LGALSL: variants seen among roughly 807,000 people sequenced by gnomAD.
LGALSL encodes galectin like, also known as galectin-related protein.
Under a neutral mutation model 19.5 loss-of-function variants are expected in LGALSL, and 13 were observed. The ratio of observed to expected loss-of-function variants is 0.67; its 90% confidence interval spans 0.43 to 1.06. The LOEUF (loss-of-function observed/expected upper bound fraction) is 1.06. LGALSL is among the 50% of genes least tolerant of loss of function. The pLI, the probability that LGALSL is intolerant of heterozygous loss-of-function variation, is 0.00. For synonymous variants in LGALSL, 86 were observed against 78.3 expected (o/e 1.10, Z -0.52); for missense variants, 189 against 219.3 (o/e 0.86, Z 0.87).
rs1321148387 is a variant in LGALSL at position 64,456,416 on chromosome 2, A to T, written c.326A>T (p.Glu109Val). Residue 109 changes from glutamate to valine, a missense_variant, in exon 4 of 5, where the codon GAA becomes GTA. Around this residue, in one of 3 missense-constraint regions of LGALSL, gnomAD observed 106 missense variants for 119.3 expected, o/e 0.89. Coordinates refer to ENST00000238875, the MANE Select transcript of LGALSL (RefSeq NM_014181.3). ...TGTATATCTGGGGAGAGGGGTGAAGAACAGTCAGCAATCCCTTACTTTCCA... is the reference window on the plus strand; with the variant it reads ...TGTATATCTGGGGAGAGGGGTGAAGTACAGTCAGCAATCCCTTACTTTCCA... The part of the protein sequence containing the change: ...NSCISGERGE[E>V]QSAIPYFPFI... 3.1e-6 allele frequency: 5 copies of T among 1,608,486 alleles called. No individual in the cohort carries two copies. In the Admixed American group the frequency reaches 8.4e-5, roughly 27 times the overall value.
chr2:64,456,324 C>T lies in LGALSL; in HGVS notation c.234C>T (p.Asp78=), dbSNP rs146738856. Residue 78 remains aspartate (D), a synonymous_variant, in exon 4 of 5, where the codon GAC becomes GAT. Coordinates refer to ENST00000238875, the MANE Select transcript of LGALSL (RefSeq NM_014181.3). ...GCTTGACCTGTGGGGACTCAGAAGA[C>T]CCTCCTGCCGATGTGGCAATCGAAC... ...AISLTCGDSE[D]PPADVAIELK... The T allele has an allele frequency of 3.1e-6, 5 of 1,611,928 alleles. No individual in the cohort carries two copies. The African/African-American group carries it at 6.7e-5, about 22-fold the overall frequency.
Position 64,456,459 on chromosome 2 carries a change from A to G in LGALSL, c.369A>G (p.Pro123=). The G allele has an allele frequency of 6.4e-7, 1 of 1,573,108 alleles. No homozygotes were observed. Among genetic ancestry groups the G allele is most frequent in the Non-Finnish European group, 8.6e-7 (1 of 1,158,946 alleles). Residue 123 remains proline, a synonymous_variant, in exon 4 of 5, where the codon CCA becomes CCG. Coordinates refer to ENST00000238875, the MANE Select transcript of LGALSL (RefSeq NM_014181.3). Reference sequence around the variant, plus strand: ...ACTTTCCATTCATTCCAGACCAGCCATTCAGGGTGAGTACCTCGAGTGCCT... The same window carrying G: ...ACTTTCCATTCATTCCAGACCAGCCGTTCAGGGTGAGTACCTCGAGTGCCT... ...IPYFPFIPDQ[P]FRVEILCEHP...
Position 64,454,673 on chromosome 2 carries a change from C to G in LGALSL, c.36+92C>G, listed in dbSNP as rs1572898503. The G allele has an allele frequency of 2.1e-6, 2 of 964,852 alleles. No homozygotes were observed. The highest frequency in any genetic ancestry group is 2.7e-6 in the Non-Finnish European group (2 of 751,620). 59.8% of individuals were successfully genotyped at this position (964,852 alleles called of 1,614,324 possible). A position where few individuals can be genotyped will look rare whatever the true frequency, so the allele number is the denominator to read the frequency against. On this transcript the variant is annotated intron_variant, in intron 1 of 4. Coordinates refer to ENST00000238875, the MANE Select transcript of LGALSL (RefSeq NM_014181.3). This position sits in a 1 kb window ranked among gnomAD's most constrained non-coding sequence, Gnocchi z 5.1. ...CAGCAGTGCTGGGGTGCTGAGCAGC[C>G]GCAGGCCCGGCCGGCGCCCGGCGCG...
At chr2:64,456,594 G>GA (rs373630666) in intron 4 of LGALSL, 129 bp downstream of exon 4, 473 of 645,494 alleles carry the variant, frequency 7.3e-4, no homozygotes, top group African/African-American at 1.4e-3. Flanking sequence ...ACCCAATGGT[G>GA]AAAAAAAAAG....
At position 64,458,368 on chromosome 2, in the gene LGALSL, G is replaced by A. The variant is rs778858238; in HGVS notation, c.459G>A (p.Thr153=). ...QLFDFYHRIQ[T]LSAIDTIKIN... ...TTGATTTTTACCATCGCATTCAAAC[G>A]TTATCTGCAATTGACACCATAAAGA... is the stretch of plus-strand genomic sequence containing the variant. Residue 153 remains threonine, a synonymous_variant, in exon 5 of 5, where the codon ACG becomes ACA. Coordinates refer to ENST00000238875, the MANE Select transcript of LGALSL (RefSeq NM_014181.3). The A allele has an allele frequency of 5.6e-6, 9 of 1,613,800 alleles. No homozygotes were observed. The East Asian group carries it at 1.3e-4, about 24-fold the overall frequency.
In LGALSL at chr2:64,459,031, G is replaced by A. The variant is rs1464743831; in HGVS notation, c.*603G>A. On this transcript the variant is annotated 3_prime_UTR_variant, in exon 5 of 5. Coordinates refer to ENST00000238875, the MANE Select transcript of LGALSL (RefSeq NM_014181.3). ...AACAGCAAGTTGTAAACTTTTGAATGTATAAATATCTTAGGTCCAAGGGGA... is the reference window on the plus strand; with the variant it reads ...AACAGCAAGTTGTAAACTTTTGAATATATAAATATCTTAGGTCCAAGGGGA... The A allele has an allele frequency of 6.6e-6, 1 of 152,196 alleles. No homozygotes were observed. The highest frequency in any genetic ancestry group is 2.4e-5 in the African/African-American group (1 of 41,444). 9.4% of individuals were successfully genotyped at this position (152,196 alleles called of 1,614,324 possible).
rs1367295190 is a variant in LGALSL, at chr2:64,458,541, G to C, written c.*113G>C. ...CTTAAAAAGAAAACAAAAACAAATG[G>C]CAAGTTTCACTTAAGGGTGGTTTGC... On this transcript the variant is annotated 3_prime_UTR_variant, in exon 5 of 5. Coordinates refer to ENST00000238875, the MANE Select transcript of LGALSL (RefSeq NM_014181.3). 1 of 1,106,936 alleles carries C rather than the reference G, an allele frequency of 9.0e-7. No individual in the cohort carries two copies. Among genetic ancestry groups the C allele is most frequent in the Admixed American group, 2.5e-5 (1 of 39,922 alleles). 68.6% of individuals were successfully genotyped at this position (1,106,936 alleles called of 1,614,324 possible).
chr2:64,455,504 C>T (rs1049269973), intron 2 of LGALSL, 85 bp from the exon 3 acceptor site: 5 of 1,491,204 alleles, frequency 3.4e-6, no homozygotes, highest in Non-Finnish European at 4.7e-6. Flanking sequence ...TTGCATTTTC[C>T]AGTGGGTCAG....
chr2:64,454,681 C>G lies in LGALSL; in HGVS notation c.36+100C>G. On this transcript the variant is annotated intron_variant, in intron 1 of 4. Transcript: ENST00000238875. This position sits in a 1 kb window ranked among gnomAD's most constrained non-coding sequence, Gnocchi z 5.1. ...CTGGGGTGCTGAGCAGCCGCAGGCC[C>G]GGCCGGCGCCCGGCGCGTGGGAAGG... 1 of 903,004 alleles carries G rather than the reference C, an allele frequency of 1.1e-6. No homozygotes were observed. The highest frequency in any genetic ancestry group is 1.4e-6 in the Non-Finnish European group (1 of 696,662). The allele number at this position is 903,004 out of a possible 1,614,324, so 55.9% of individuals were successfully genotyped here. A position where few individuals can be genotyped will look rare whatever the true frequency, so the allele number is the denominator to read the frequency against.
At position 64,455,928 on chromosome 2, in the gene LGALSL, A is replaced by AT. The variant is rs3083174; in HGVS notation, c.197+268dup. Among the ~76,000 whole-genome samples, 351 of 147,762 alleles carry AT rather than the reference A, an allele frequency of 2.4e-3. 2 individuals are homozygous for AT. The highest frequency in any genetic ancestry group is 7.0e-3 in the Middle Eastern group (2 of 286). On this transcript the variant is annotated intron_variant, in intron 3 of 4. Transcript: ENST00000238875. ...CTTTGACCCTTAGGGAGGCCAGAGG[A>AT]TTTTTTTTTTTTTTTTTAATGGTTT... is the stretch of plus-strand genomic sequence containing the variant.
Position 64,460,081 on chromosome 2 carries a change from A to G in LGALSL, c.*1653A>G, listed in dbSNP as rs891277248. ...ACCATGTCATTTTCAAGTGTCAAGA[A>G]TGTAGACAGTGTTTCAGTACCAAAG... On this transcript the variant is annotated 3_prime_UTR_variant, in exon 5 of 5. Transcript: ENST00000238875. 6.6e-6 allele frequency: 1 copy of G among 151,960 alleles called. No individual in the cohort carries two copies. The highest frequency in any genetic ancestry group is 2.4e-5 in the African/African-American group (1 of 41,358). 9.4% of individuals were successfully genotyped at this position (151,960 alleles called of 1,614,324 possible). A position where few individuals can be genotyped will look rare whatever the true frequency, so the allele number is the denominator to read the frequency against.
intron 3 of LGALSL, 98 bp downstream of exon 3, chr2:64,455,775 C>T: frequency 4.5e-6 from 4 of 881,086 alleles, no homozygotes; most frequent in Non-Finnish European, 7.6e-6. Context: ...TCCTTGTGGA[C>T]AGTGTTGCTA....
At chr2:64,457,847 A>G (rs1387780134) in intron 4 of LGALSL, among the ~76,000 whole-genome samples, 1 of 152,194 alleles carries the variant, frequency 6.6e-6, no homozygotes, top group Admixed American at 6.5e-5. Context: ...TGCATAGCTC[A>G]TGAATGTGAG....
chr2:64,459,698 G>A lies in LGALSL; in HGVS notation c.*1270G>A, dbSNP rs1407301528. The stretch of plus-strand genomic sequence containing the variant: ...CCAGGACTCCAGGTCTTTGAATCCA[G>A]CCAGTAGAGTGAATGCTTCCAATTA... On this transcript the variant is annotated 3_prime_UTR_variant, in exon 5 of 5. Coordinates refer to ENST00000238875, the MANE Select transcript of LGALSL (RefSeq NM_014181.3). The A allele has an allele frequency of 6.6e-6, 1 of 152,236 alleles. No homozygotes were observed. The highest frequency in any genetic ancestry group is 1.5e-5 in the Non-Finnish European group (1 of 68,060). 9.4% of individuals were successfully genotyped at this position (152,236 alleles called of 1,614,324 possible). A position where few individuals can be genotyped will look rare whatever the true frequency, so the allele number is the denominator to read the frequency against.
chr2:64,456,411 T>A lies in LGALSL; in HGVS notation c.321T>A (p.Gly107=). The A allele has an allele frequency of 1.2e-6, 2 of 1,609,242 alleles. No individual in the cohort carries two copies. Among genetic ancestry groups the A allele is most frequent in the Non-Finnish European group, 1.7e-6 (2 of 1,177,674 alleles). ...LRNSCISGER[G]EEQSAIPYFP... ...ATTCTTGTATATCTGGGGAGAGGGG[T>A]GAAGAACAGTCAGCAATCCCTTACT... Residue 107 remains glycine, a synonymous_variant, in exon 4 of 5, where the codon GGT becomes GGA. Transcript: ENST00000238875.
Position 64,459,026 on chromosome 2 carries a change from T to C in LGALSL, c.*598T>C, listed in dbSNP as rs1245241954. 6.6e-6 allele frequency: 1 copy of C among 152,238 alleles called. No homozygotes were observed. Among genetic ancestry groups the C allele is most frequent in the African/African-American group, 2.4e-5 (1 of 41,462 alleles). 9.4% of individuals were successfully genotyped at this position (152,238 alleles called of 1,614,324 possible). On this transcript the variant is annotated 3_prime_UTR_variant, in exon 5 of 5. Coordinates refer to ENST00000238875, the MANE Select transcript of LGALSL (RefSeq NM_014181.3). ...TCAAGAACAGCAAGTTGTAAACTTT[T>C]GAATGTATAAATATCTTAGGTCCAA...
rs1686785543 is a variant in LGALSL at position 64,459,555 on chromosome 2, C to T, written c.*1127C>T. 6.6e-6 allele frequency: 1 copy of T among 152,146 alleles called. No individual in the cohort carries two copies. The highest frequency in any genetic ancestry group is 1.5e-5 in the Non-Finnish European group (1 of 68,024). 9.4% of individuals were successfully genotyped at this position (152,146 alleles called of 1,614,324 possible). On this transcript the variant is annotated 3_prime_UTR_variant, in exon 5 of 5. Coordinates refer to ENST00000238875, the MANE Select transcript of LGALSL (RefSeq NM_014181.3). ...CCCTCACCAATATCCCTAAGTAATG[C>T]CTTTGGAAGCTTCAGAGTAGAAGAT...
intron 3 of LGALSL, among the ~76,000 whole-genome samples, chr2:64,455,928 ATT>A (rs3083174): frequency 0.33 from 48,774 of 147,640 alleles, 8,603 homozygotes; most frequent in East Asian, 0.76. Flanking sequence ...AGGCCAGAGG[ATT>A]TTTTTTTTTT....
rs1385534969 is a variant in LGALSL, at chr2:64,459,833, G to A, written c.*1405G>A. On this transcript the variant is annotated 3_prime_UTR_variant, in exon 5 of 5. Coordinates refer to ENST00000238875, the MANE Select transcript of LGALSL (RefSeq NM_014181.3). ...AGGCAAGGGATGCTTAAAGTCCTGG[G>A]TTCTGGACTTTAAAAGCTACATTGG... 6.6e-6 allele frequency: 1 copy of A among 152,142 alleles called. No individual in the cohort carries two copies. Among genetic ancestry groups the A allele is most frequent in the Non-Finnish European group, 1.5e-5 (1 of 68,036 alleles). The allele number at this position is 152,142 out of a possible 1,614,324, so 9.4% of individuals were successfully genotyped here.
Sources: gnomAD v4.1 joint callset for allele counts (sites outside exome capture counted in the v4.1 genomes callset) on GRCh38, gnomAD v4.1.1 for gene constraint, gnomAD v4.1.1 regional missense constraint, Gnocchi (gnomAD v3.1) non-coding constraint, MANE v1.5 for transcripts, NCBI Gene and HGNC (gene_info 2026-07-23, HGNC 2026-07-21) for gene names.